The following FAT3 variants were observed in gnomAD, a reference collection of about 807,000 sequenced individuals.
FAT3 encodes protocadherin Fat 3.
In FAT3, 95 loss-of-function variants were observed where a neutral mutation model predicts 310.2. That is an observed-to-expected ratio of 0.31 (90% CI 0.26 to 0.36). The LOEUF (loss-of-function observed/expected upper bound fraction) is 0.36. FAT3 is among the 10% of genes least tolerant of loss of function. FAT3 has a pLI of 1.00. For synonymous variants in FAT3, 2,314 were observed against 2,192.9 expected, an observed-to-expected ratio of 1.06 and a Z score of -1.54; for missense variants, 5,408 against 5,715.6, an observed-to-expected ratio of 0.95 and a Z score of 1.74.
chr11:92,676,866 T>C (rs1486055345), intron 3 of FAT3, among the ~76,000 whole-genome samples: 1 of 152,214 alleles, frequency 6.6e-6, no homozygotes. Context: ...ATATCCATTC[T>C]CTCAACTGGC....
chr11:92,372,532 A>C (rs982571050), intron 2 of FAT3, among the ~76,000 whole-genome samples: 6 of 152,084 alleles, frequency 3.9e-5, no homozygotes, highest in African/African-American at 1.4e-4. Context: ...AAGTGTGCAA[A>C]ATGACACATT....
chr11:92,316,981 A>C (rs1947481511), intron 1 of FAT3, among the ~76,000 whole-genome samples: 1 of 152,214 alleles, frequency 6.6e-6, no homozygotes, highest in Admixed American at 6.5e-5. Flanking sequence ...AGGAGGTGGC[A>C]GATGAGGATT....
chr11:92,329,457 C>T (rs2134527918), intron 1 of FAT3, among the ~76,000 whole-genome samples: 1 of 152,172 alleles, frequency 6.6e-6, no homozygotes, highest in East Asian at 1.9e-4. Context: ...CTGAGGCCCT[C>T]ACCTGATACA....
intron 19 of FAT3, among the ~76,000 whole-genome samples, chr11:92,852,958 T>A (rs1239530203): frequency 1.6e-4 from 25 of 152,188 alleles, no homozygotes; most frequent in Admixed American, 1.6e-3. Flanking sequence ...TGTCACAGGA[T>A]CCTTGGGGTG....
At position 92,896,464 on chromosome 11, in the gene FAT3, A is replaced by G. The variant is rs533462516; in HGVS notation, c.*5351A>G. 6.6e-6 allele frequency: 1 copy of G among 152,120 alleles called. No individual in the cohort carries two copies. Among genetic ancestry groups the G allele is most frequent in the African/African-American group, 2.4e-5 (1 of 41,520 alleles). 9.4% of individuals were successfully genotyped at this position (152,120 alleles called of 1,614,324 possible). A position where few individuals can be genotyped will look rare whatever the true frequency, so the allele number is the denominator to read the frequency against. The stretch of plus-strand genomic sequence containing the variant: ...ACAAGTTTTCAAGTAAAAAGAAAAA[A>G]ATGAAACTAGCAATTGTGTTGACTC... On this transcript the variant is annotated 3_prime_UTR_variant, in exon 28 of 28. Transcript: ENST00000525166.
At chr11:92,508,760 A>G (rs554716342) in intron 2 of FAT3, among the ~76,000 whole-genome samples, 1 of 152,252 alleles carries the variant, frequency 6.6e-6, no homozygotes, top group South Asian at 2.1e-4. Flanking sequence ...TCTCAGCCCA[A>G]ATGCTTAGAG....
chr11:92,749,292 GCA>G (rs377304020), intron 4 of FAT3, among the ~76,000 whole-genome samples: 3 of 151,112 alleles, frequency 2.0e-5, no homozygotes, highest in South Asian at 2.1e-4. Context: ...ACACAAATAG[GCA>G]CACACACACA....
intron 1 of FAT3, chr11:92,335,975 G>C (rs1489988240): frequency 2.3e-6 from 1 of 433,420 alleles, no homozygotes; most frequent in Non-Finnish European, 4.5e-6. Flanking sequence ...AATTAGGTCA[G>C]AATGGCAGGC....
intron 3 of FAT3, among the ~76,000 whole-genome samples, chr11:92,640,674 A>G (rs749250661): frequency 3.9e-5 from 6 of 152,210 alleles, no homozygotes; most frequent in Non-Finnish European, 8.8e-5. Context: ...TACTTATTTT[A>G]TGAATGCAGT....
intron 4 of FAT3, among the ~76,000 whole-genome samples, chr11:92,697,741 G>C (rs1231031807): frequency 6.6e-6 from 1 of 152,152 alleles, no homozygotes; most frequent in Admixed American, 6.5e-5. Flanking sequence ...GAAAGTTCAG[G>C]AGCAGAGCCC....
intron 2 of FAT3, among the ~76,000 whole-genome samples, chr11:92,387,297 G>A (rs1350959692): frequency 6.6e-6 from 1 of 152,154 alleles, no homozygotes; most frequent in East Asian, 1.9e-4. Flanking sequence ...AGAGAGGCAC[G>A]AAGGTTCTTT....
chr11:92,253,565 C>CT (rs1865210081), intron 1 of FAT3, among the ~76,000 whole-genome samples: 1 of 151,954 alleles, frequency 6.6e-6, no homozygotes, highest in African/African-American at 2.4e-5. Flanking sequence ...TGGAATGGGC[C>CT]TTGGTGCTCT....
chr11:92,766,543 G>A (rs1012850848), intron 6 of FAT3: 1 of 152,226 alleles, frequency 6.6e-6, no homozygotes, highest in Non-Finnish European at 1.5e-5. Flanking sequence ...AGAGTCCTCT[G>A]AACTTCCAAA....
intron 3 of FAT3, among the ~76,000 whole-genome samples, chr11:92,685,642 C>A (rs993470116): frequency 6.6e-6 from 1 of 150,670 alleles, no homozygotes; most frequent in Non-Finnish European, 1.5e-5. Flanking sequence ...AGTCAATAGA[C>A]CAATATTTAT....
At position 92,401,346 on chromosome 11, in the gene FAT3, G is replaced by T. The variant is rs554300118; in HGVS notation, c.3292+45942G>T. 5.8e-4 allele frequency among the ~76,000 whole-genome samples: 89 copies of T among 152,254 alleles called. 1 individual carries two copies. Among genetic ancestry groups the T allele is most frequent in the Middle Eastern group, 6.8e-3 (2 of 294 alleles). On this transcript the variant is annotated intron_variant, in intron 2 of 27. Transcript: ENST00000525166. ...TGGGATAGGGGCTTGAAGGGGAGTA[G>T]CCTTCGTGAAACCCTTCCTGACTCT...
intron 1 of FAT3, among the ~76,000 whole-genome samples, chr11:92,330,999 TGTGTGAGAGA>T (rs746242441): frequency 7.4e-4 from 87 of 117,946 alleles, no homozygotes; most frequent in African/African-American, 3.2e-3. Context: ...TGTGTGTGTG[TGTGTGAGAGA>T]GAGAGAGAGA....
chr11:92,482,739 T>G (rs1482239432), intron 2 of FAT3, among the ~76,000 whole-genome samples: 2 of 151,842 alleles, frequency 1.3e-5, no homozygotes, highest in Non-Finnish European at 2.9e-5. Flanking sequence ...GAGCAGCCAG[T>G]CTCTCTCTCT....
chr11:92,802,017 G>C, intron 10 of FAT3, 108 bp downstream of exon 10: 1 of 1,073,600 alleles, frequency 9.3e-7, no homozygotes, highest in Non-Finnish European at 1.3e-6. Flanking sequence ...GGAGTCCAGT[G>C]TAATGAAGCC....
At chr11:92,527,395 A>G (rs1254884262) in intron 3 of FAT3, among the ~76,000 whole-genome samples, 1 of 152,176 alleles carries the variant, frequency 6.6e-6, no homozygotes, top group Non-Finnish European at 1.5e-5. Flanking sequence ...AATCCCACAA[A>G]AAAAGCTGAT....
Sources: gnomAD v4.1 joint callset for allele counts (sites outside exome capture counted in the v4.1 genomes callset) on GRCh38, gnomAD v4.1.1 for gene constraint, MANE v1.5 for transcripts, NCBI Gene and HGNC (gene_info 2026-07-23, HGNC 2026-07-21) for gene names.